UBAC2: variants seen among roughly 807,000 people sequenced by gnomAD.
UBAC2 encodes UBA domain containing 2, also known as ubiquitin-associated domain-containing protein 2.
Under a neutral mutation model 44.0 loss-of-function variants are expected in UBAC2, and 26 were observed. That is an observed-to-expected ratio of 0.59 (90% confidence interval 0.43 to 0.82). The LOEUF (loss-of-function observed/expected upper bound fraction) is 0.82, where lower values mean the gene tolerates loss of function less well. Ranked by LOEUF, UBAC2 falls within the 40% of genes least tolerant of loss-of-function variation. The pLI is 0.00. For synonymous variants in UBAC2, 155 were observed against 154.3 expected, an observed-to-expected ratio of 1.00 and a Z score of -0.04; for missense variants, 329 against 419.4, an observed-to-expected ratio of 0.78 and a Z score of 1.88.
intron 4 of UBAC2, among the ~76,000 whole-genome samples, chr13:99,265,613 G>A (rs1279649191): frequency 6.6e-6 from 1 of 152,172 alleles, no homozygotes; most frequent in African/African-American, 2.4e-5. Flanking sequence ...CGTTTTGTGT[G>A]TGCCTTGTGA....
In UBAC2 at chr13:99,318,010, T is replaced by A; in HGVS notation, c.514-12T>A. Reference sequence around the variant, plus strand: ...ATTTTATTTTTAGTTGCCTTTTTTTTTTCTTTTATAGCTTTTCACCTCTGG... The same window carrying A: ...ATTTTATTTTTAGTTGCCTTTTTTTATTCTTTTATAGCTTTTCACCTCTGG... On this transcript the variant is annotated splice_polypyrimidine_tract_variant and intron_variant, in intron 5 of 8. Transcript: ENST00000403766. 3.1e-6 allele frequency: 5 copies of A among 1,598,856 alleles called. No individual in the cohort carries two copies. Among genetic ancestry groups the A allele is most frequent in the Non-Finnish European group, 2.6e-6 (3 of 1,176,066 alleles).
At chr13:99,262,735 AAAAAAG>A (rs2043684531) in intron 4 of UBAC2, among the ~76,000 whole-genome samples, 5 of 145,288 alleles carry the variant, frequency 3.4e-5, no homozygotes, top group African/African-American at 1.3e-4. Flanking sequence ...AAAAAAAAAA[AAAAAAG>A]GACTTGTGGA....
intron 1 of UBAC2, chr13:99,201,411 G>T: frequency 6.2e-7 from 1 of 1,611,244 alleles, no homozygotes; most frequent in South Asian, 1.1e-5. Flanking sequence ...GTTTCACTTG[G>T]ATGTGTTTCT....
intron 4 of UBAC2, among the ~76,000 whole-genome samples, chr13:99,296,563 AG>A (rs1235521429): frequency 6.6e-6 from 1 of 152,198 alleles, no homozygotes; most frequent in East Asian, 1.9e-4. Flanking sequence ...ACAGGCATTA[AG>A]CTTTGCTTTT....
chr13:99,340,233 T>C (rs1927725), intron 6 of UBAC2, 87 bp from the exon 7 acceptor site: 458,216 of 1,448,634 alleles, frequency 0.32, 77,950 homozygotes, highest in Non-Finnish European at 0.35. Flanking sequence ...CCGTGTGCAG[T>C]GTCTGGAGGC....
intron 1 of UBAC2, among the ~76,000 whole-genome samples, chr13:99,233,002 C>T (rs2043192993): frequency 6.6e-6 from 1 of 152,104 alleles, no homozygotes; most frequent in African/African-American, 2.4e-5. Context: ...TTGGAAATAT[C>T]ATTATGAATC....
chr13:99,314,322 T>G (rs1020881857), intron 5 of UBAC2, 102 bp downstream of exon 5: 3 of 1,360,324 alleles, frequency 2.2e-6, no homozygotes, highest in Non-Finnish European at 2.0e-6. Context: ...AATGGTTTTT[T>G]TCCCCCCATA....
At chr13:99,325,163 C>T (rs1030634295) in intron 6 of UBAC2, among the ~76,000 whole-genome samples, 3 of 137,876 alleles carry the variant, frequency 2.2e-5, no homozygotes, top group Admixed American at 8.2e-5. Context: ...AGTGCTGTGG[C>T]GCGATCTTGG....
chr13:99,321,126 G>A (rs531012854), intron 6 of UBAC2, among the ~76,000 whole-genome samples: 31 of 152,202 alleles, frequency 2.0e-4, no homozygotes, highest in Non-Finnish European at 3.2e-4. Context: ...ATTTCATTCT[G>A]GCAATTAATG....
At chr13:99,343,027 G>A (rs184164816) in intron 7 of UBAC2, among the ~76,000 whole-genome samples, 15 of 152,348 alleles carry the variant, frequency 9.8e-5, no homozygotes, top group African/African-American at 3.4e-4. Context: ...GTGGTAGTCG[G>A]TGTTAGCTGG....
rs1035602113 is a variant in UBAC2 at position 99,386,055 on chromosome 13, C to T, written c.*720C>T. On this transcript the variant is annotated 3_prime_UTR_variant, in exon 9 of 9. Transcript: ENST00000403766. ...GGCTTCCTGGAGCCACATGGGCTGA[C>T]TAGGGCACTCTGTGGCTGGCCTGGC... 6.6e-6 allele frequency: 1 copy of T among 152,308 alleles called. No individual in the cohort carries two copies. The highest frequency in any genetic ancestry group is 2.1e-4 in the South Asian group (1 of 4,836). The allele number at this position is 152,308 out of a possible 1,614,324, so 9.4% of individuals were successfully genotyped here.
At chr13:99,265,582 C>G (rs2043732026) in intron 4 of UBAC2, among the ~76,000 whole-genome samples, 2 of 152,160 alleles carry the variant, frequency 1.3e-5, no homozygotes, top group Admixed American at 6.6e-5. Flanking sequence ...GCACTTTCAC[C>G]CCTTTTCTTC....
chr13:99,384,207 C>CT (rs952632169), intron 8 of UBAC2, among the ~76,000 whole-genome samples: 32 of 152,158 alleles, frequency 2.1e-4, no homozygotes, highest in African/African-American at 7.2e-4. Context: ...GAAACTCTGA[C>CT]TAAGTCCTCA....
intron 6 of UBAC2, among the ~76,000 whole-genome samples, chr13:99,330,475 A>AAAAAAAAAAAAAAAAAAAAAAAAAC: frequency 6.7e-6 from 1 of 149,410 alleles, no homozygotes; most frequent in Non-Finnish European, 1.5e-5. Context: ...AAAAAAAAAA[A>AAAAAAAAAAAAAAAAAAAAAAAAAC]AGAAATACAG....
At chr13:99,287,682 G>A (rs375923342) in intron 4 of UBAC2, among the ~76,000 whole-genome samples, 148 of 121,312 alleles carry the variant, frequency 1.2e-3, no homozygotes, top group African/African-American at 4.6e-3. Flanking sequence ...ACGAGGTTTC[G>A]CCATGTTGCC....
chr13:99,376,297 TCA>T (rs2045479324), intron 8 of UBAC2, among the ~76,000 whole-genome samples: 1 of 152,196 alleles, frequency 6.6e-6, no homozygotes, highest in African/African-American at 2.4e-5. Flanking sequence ...TGTGGAAGTG[TCA>T]CACCAGGGCT....
chr13:99,326,334 GTCT>G (rs1196162772), intron 6 of UBAC2, among the ~76,000 whole-genome samples: 1 of 152,112 alleles, frequency 6.6e-6, no homozygotes, highest in African/African-American at 2.4e-5. Flanking sequence ...CCATTTGTAT[GTCT>G]TCTTTGGAGA....
At chr13:99,338,345 A>C (rs1456004396) in intron 6 of UBAC2, among the ~76,000 whole-genome samples, 2 of 152,088 alleles carry the variant, frequency 1.3e-5, no homozygotes, top group African/African-American at 2.4e-5. Flanking sequence ...GGTGTGAGCC[A>C]CTGCGCCCAA....
chr13:99,340,706 T>G, intron 7 of UBAC2, 141 bp downstream of exon 7: 2 of 972,780 alleles, frequency 2.1e-6, no homozygotes, highest in Non-Finnish European at 3.0e-6. Context: ...AAAGAGATTG[T>G]AGGTCTCTGT....
Sources: allele counts gnomAD v4.1 joint callset (sites outside exome capture counted in the v4.1 genomes callset), GRCh38; gene constraint gnomAD v4.1.1; transcripts MANE v1.5; gene names NCBI Gene and HGNC (gene_info 2026-07-23, HGNC 2026-07-21).